The following ATP10B variants were observed in gnomAD, a reference collection of about 807,000 sequenced individuals.
ATP10B encodes the protein phospholipid-transporting ATPase VB.
A neutral mutation model predicts 141.2 loss-of-function variants in ATP10B; 122 were observed. The ratio of observed to expected loss-of-function variants is 0.86; its 90% CI spans 0.75 to 1.00. The LOEUF (loss-of-function observed/expected upper bound fraction) is 1.00, where lower values mean the gene tolerates loss of function less well. ATP10B is among the 50% of genes least tolerant of loss of function. The pLI, the probability that ATP10B is intolerant of heterozygous loss-of-function variation, is 0.00. For synonymous variants in ATP10B, 685 were observed against 692.0 expected, an observed-to-expected ratio of 0.99 and a Z score of 0.16; for missense variants, 1,876 against 1,825.3, an observed-to-expected ratio of 1.03 and a Z score of -0.51.
chr5:160,850,155 T>A (rs1368733042), intron 1 of ATP10B, among the ~76,000 whole-genome samples: 1 of 152,060 alleles, frequency 6.6e-6, no homozygotes, highest in Non-Finnish European at 1.5e-5. Flanking sequence ...ACGCTTGTAA[T>A]CCCAGCACTT....
At chr5:160,881,860 G>A in the ATP10B span, among the ~76,000 whole-genome samples, 5 of 151,980 alleles carry the variant, frequency 3.3e-5, no homozygotes, top group East Asian at 3.9e-4. Context: ...AAAGTTGGAC[G>A]CAACCAAGAT....
chr5:160,652,073 C>T (rs1425288971), intron 7 of ATP10B, among the ~76,000 whole-genome samples: 1 of 152,112 alleles, frequency 6.6e-6, no homozygotes, highest in South Asian at 2.1e-4. Context: ...CTGCCGGGCC[C>T]CAGCAATGGT....
the ATP10B span, among the ~76,000 whole-genome samples, chr5:160,903,786 C>T: frequency 2.0e-5 from 3 of 152,134 alleles, no homozygotes; most frequent in African/African-American, 7.2e-5. Context: ...TTGTATTTTC[C>T]TTCAATAAAG....
At chr5:160,686,867 A>G in intron 5 of ATP10B, 1 of 839,080 alleles carries the variant, frequency 1.2e-6, no homozygotes, top group Non-Finnish European at 1.4e-6. Context: ...ACTTATAATA[A>G]TAATTACAAT....
At chr5:160,624,868 G>A (rs1758531936) in intron 13 of ATP10B, among the ~76,000 whole-genome samples, 8 of 152,212 alleles carry the variant, frequency 5.3e-5, no homozygotes, top group Admixed American at 4.6e-4. Context: ...TGTGGTCACA[G>A]TATGTTCTCT....
At chr5:160,826,780 G>A (rs948005400) in intron 1 of ATP10B, among the ~76,000 whole-genome samples, 35 of 152,124 alleles carry the variant, frequency 2.3e-4, no homozygotes, top group East Asian at 1.5e-3. Context: ...ATAAACGGCC[G>A]CTCTAGGAGT....
chr5:160,829,464 A>G lies in ATP10B; in HGVS notation c.-576+22477T>C, dbSNP rs532019974. Among the ~76,000 whole-genome samples the G allele has an allele frequency of 2.8e-4, 42 of 152,156 alleles. 1 individual carries two copies. The Middle Eastern group carries it at 0.01, about 37-fold the overall frequency. ...TTTTTGGTTTCATATGCGTTTTAGA[A>G]TAGTTTAGAATCGTTTTTTCCTAAT... On this transcript the variant is annotated intron_variant, in intron 1 of 25. Coordinates refer to ENST00000327245, the MANE Select transcript of ATP10B (RefSeq NM_025153.3).
intron 1 of ATP10B, among the ~76,000 whole-genome samples, chr5:160,794,367 A>G (rs1313509385): frequency 6.6e-6 from 1 of 152,198 alleles, no homozygotes; most frequent in Non-Finnish European, 1.5e-5. Context: ...TGCTGACCAC[A>G]GCGGAAGGTA....
chr5:160,657,225 C>T (rs1254189020), intron 7 of ATP10B, among the ~76,000 whole-genome samples: 1 of 152,110 alleles, frequency 6.6e-6, no homozygotes, highest in African/African-American at 2.4e-5. Context: ...AAATGTTCTT[C>T]ACGCCCCAGC....
chr5:160,746,854 G>A (rs1767841398), intron 2 of ATP10B, among the ~76,000 whole-genome samples: 1 of 152,200 alleles, frequency 6.6e-6, no homozygotes, highest in Non-Finnish European at 1.5e-5. Flanking sequence ...GTGGCCCAGA[G>A]ATGGGAGGTA....
At chr5:160,775,795 C>T (rs1361061321) in intron 2 of ATP10B, among the ~76,000 whole-genome samples, 2 of 151,206 alleles carry the variant, frequency 1.3e-5, no homozygotes, top group African/African-American at 4.9e-5. Context: ...ATTCTTCTGC[C>T]TCAACCTCCC....
chr5:160,868,000 G>T, the ATP10B span, among the ~76,000 whole-genome samples: 2 of 152,014 alleles, frequency 1.3e-5, no homozygotes, highest in Non-Finnish European at 2.9e-5. Context: ...AAAACTAAGG[G>T]GTAATATCAC....
the ATP10B span, among the ~76,000 whole-genome samples, chr5:160,919,583 C>A: frequency 2.9e-3 from 440 of 152,282 alleles, 1 homozygote; most frequent in African/African-American, 0.01. Flanking sequence ...GAGTTTTAAA[C>A]AGGTTCAGAT....
chr5:160,720,762 G>A (rs1400735482), intron 2 of ATP10B, among the ~76,000 whole-genome samples: 4 of 152,206 alleles, frequency 2.6e-5, no homozygotes, highest in African/African-American at 9.6e-5. Context: ...CTTCCTGGAT[G>A]TTTTACCACA....
intron 6 of ATP10B, among the ~76,000 whole-genome samples, chr5:160,679,471 G>A (rs1327947954): frequency 6.6e-6 from 1 of 152,212 alleles, no homozygotes; most frequent in East Asian, 1.9e-4. Flanking sequence ...CTGGCTAAAT[G>A]TTGCTCCTCC....
At chr5:160,595,244 A>G (rs1394233117) in intron 22 of ATP10B, among the ~76,000 whole-genome samples, 1 of 152,220 alleles carries the variant, frequency 6.6e-6, no homozygotes, top group Non-Finnish European at 1.5e-5. Flanking sequence ...ATCTCACTCA[A>G]AACCACTCAA....
At chr5:160,814,768 C>G (rs1421447184) in intron 1 of ATP10B, among the ~76,000 whole-genome samples, 4 of 152,100 alleles carry the variant, frequency 2.6e-5, no homozygotes, top group African/African-American at 9.7e-5. Context: ...GAAAGCCCAT[C>G]AGACTAACAG....
At chr5:160,865,466 A>C in the ATP10B span, among the ~76,000 whole-genome samples, 1 of 152,212 alleles carries the variant, frequency 6.6e-6, no homozygotes, top group Non-Finnish European at 1.5e-5. Context: ...GAAACCATAC[A>C]AATTCTAGAA....
At chr5:160,894,456 G>A in the ATP10B span, among the ~76,000 whole-genome samples, 1 of 151,730 alleles carries the variant, frequency 6.6e-6, no homozygotes, top group Non-Finnish European at 1.5e-5. Context: ...GGATATCAGA[G>A]ACTGAATATC....
Sources: allele counts gnomAD v4.1 joint callset (sites outside exome capture counted in the v4.1 genomes callset), GRCh38; gene constraint gnomAD v4.1.1; transcripts MANE v1.5; gene names NCBI Gene and HGNC (gene_info 2026-07-23, HGNC 2026-07-21).